Variants in EXD2 observed in about 807,000 individuals in gnomAD.
EXD2 encodes the protein exonuclease 3'-5' domain containing 2, also known as exonuclease 3'-5' domain-containing protein 2.
In EXD2, 40 loss-of-function variants were observed where a neutral mutation model predicts 62.5. The observed-to-expected ratio is 0.64, with a 90% CI of 0.50 to 0.83. EXD2 has a LOEUF of 0.83. Among genes scored for constraint, EXD2 ranks in the 40% least tolerant of loss-of-function variants. The pLI, the probability that EXD2 is intolerant of heterozygous loss-of-function variation, is 0.00. For synonymous variants in EXD2, 239 were observed against 291.9 expected (o/e 0.82, Z 1.85); for missense variants, 671 against 761.8 (o/e 0.88, Z 1.40).
At position 69,195,296 on chromosome 14, in the gene EXD2, C is replaced by T. The variant is rs929474496; in HGVS notation, c.-132+3705C>T. Among the ~76,000 whole-genome samples the T allele has an allele frequency of 2.0e-5, 3 of 151,982 alleles. No individual in the cohort carries two copies. In the South Asian group the frequency reaches 6.2e-4, roughly 32 times the overall value. The stretch of plus-strand genomic sequence containing the variant: ...AGTGGCAGCCTTGACCTCCTGGGCT[C>T]GAGTGATCCTCCTGCCTCAGCCCCC... On this transcript the variant is annotated intron_variant, in intron 1 of 9. Coordinates refer to ENST00000685843, the MANE Select transcript of EXD2 (RefSeq NM_001193360.2).
In EXD2 at chr14:69,241,385, A is replaced by G. The variant is rs2043979333; in HGVS notation, c.*285A>G. ...TCTCCCTCTTCTGCTGTCCCTGTGC[A>G]GAGGAAAAATGAAGAATTCTCCCAG... On this transcript the variant is annotated 3_prime_UTR_variant, in exon 10 of 10. Transcript: ENST00000685843. The G allele has an allele frequency of 2.9e-6, 1 of 350,476 alleles. No individual in the cohort carries two copies. Among genetic ancestry groups the G allele is most frequent in the African/African-American group, 2.1e-5 (1 of 48,686 alleles). 21.7% of individuals were successfully genotyped at this position (350,476 alleles called of 1,614,324 possible). A position where few individuals can be genotyped will look rare whatever the true frequency, so the allele number is the denominator to read the frequency against.
At chr14:69,216,309 G>C (rs1268112796) in intron 3 of EXD2, among the ~76,000 whole-genome samples, 1 of 152,144 alleles carries the variant, frequency 6.6e-6, no homozygotes, top group Admixed American at 6.5e-5. Flanking sequence ...ATTTTCTGTT[G>C]TTGCACCAAT....
intron 3 of EXD2, among the ~76,000 whole-genome samples, chr14:69,227,788 T>G (rs2043413547): frequency 6.6e-6 from 1 of 152,096 alleles, no homozygotes; most frequent in Non-Finnish European, 1.5e-5. Context: ...GAGCCAAGAT[T>G]GAGCCACTGC....
intron 3 of EXD2, chr14:69,227,907 C>G (rs1256507701): frequency 6.7e-6 from 1 of 148,902 alleles, no homozygotes; most frequent in Non-Finnish European, 1.5e-5. Flanking sequence ...TTTAAAGGCC[C>G]TAACTTATGC....
At chr14:69,194,979 G>A (rs2042153382) in intron 1 of EXD2, among the ~76,000 whole-genome samples, 1 of 152,174 alleles carries the variant, frequency 6.6e-6, no homozygotes, top group Admixed American at 6.5e-5. Context: ...AGCACTTTGG[G>A]TGGTTGAGAC....
At position 69,241,602 on chromosome 14, in the gene EXD2, T is replaced by C; in HGVS notation, c.*502T>C. 2.8e-6 allele frequency: 1 copy of C among 358,292 alleles called. No individual in the cohort carries two copies. The allele number at this position is 358,292 out of a possible 1,614,324, so 22.2% of individuals were successfully genotyped here. On this transcript the variant is annotated 3_prime_UTR_variant, in exon 10 of 10. Transcript: ENST00000685843. ...CCAATTCAACTTCATAATTATCATT[T>C]CTTTGGCTTCATGCTCTCCCGTAAC...
intron 1 of EXD2, among the ~76,000 whole-genome samples, chr14:69,197,701 A>G (rs182173843): frequency 7.7e-4 from 118 of 152,284 alleles, no homozygotes; most frequent in Non-Finnish European, 1.3e-3. Flanking sequence ...CTGTTCCTGC[A>G]TTAATTCACT....
Position 69,238,256 on chromosome 14 carries a change from A to T in EXD2, c.1649+325A>T, listed in dbSNP as rs183514679. 2.0e-5 allele frequency among the ~76,000 whole-genome samples: 3 copies of T among 152,328 alleles called. No individual in the cohort carries two copies. The East Asian group carries it at 5.8e-4, about 29-fold the overall frequency. Reference sequence around the variant, plus strand: ...CATCTTACACATTCTATGCAGACGTAAATCCTCATGCCAGCACATGAGATG... The same window carrying T: ...CATCTTACACATTCTATGCAGACGTTAATCCTCATGCCAGCACATGAGATG... On this transcript the variant is annotated intron_variant, in intron 9 of 9. Coordinates refer to ENST00000685843, the MANE Select transcript of EXD2 (RefSeq NM_001193360.2).
At chr14:69,220,251 CTGTTTTTTTTTTTTTTTTT>C (rs2043125605) in intron 3 of EXD2, among the ~76,000 whole-genome samples, 1 of 60,604 alleles carries the variant, frequency 1.7e-5, no homozygotes, top group African/African-American at 7.0e-5. Flanking sequence ...TTTTGTCTCT[CTGTTTTTTTTTTTTTTTTT>C]TTTTTTTTTT....
At position 69,242,970 on chromosome 14, in the gene EXD2, C is replaced by A. The variant is rs558135749; in HGVS notation, c.*1870C>A. The A allele has an allele frequency of 6.6e-6, 1 of 152,228 alleles. No individual in the cohort carries two copies. Among genetic ancestry groups the A allele is most frequent in the African/African-American group, 2.4e-5 (1 of 41,530 alleles). 9.4% of individuals were successfully genotyped at this position (152,228 alleles called of 1,614,324 possible). On this transcript the variant is annotated 3_prime_UTR_variant, in exon 10 of 10. Coordinates refer to ENST00000685843, the MANE Select transcript of EXD2 (RefSeq NM_001193360.2). ...TGTTTCATTTTCTTTCCTTCTAATC[C>A]TCATGCCAAGAGGTGAGAAACACTT... is the stretch of plus-strand genomic sequence containing the variant.
intron 5 of EXD2, among the ~76,000 whole-genome samples, chr14:69,231,124 A>ATT (rs144706438): frequency 6.6e-6 from 1 of 151,796 alleles, no homozygotes; most frequent in African/African-American, 2.4e-5. Context: ...AGAAAAAGGG[A>ATT]TTTTTTTTAT....
intron 2 of EXD2, among the ~76,000 whole-genome samples, chr14:69,206,463 T>TCG: frequency 1.9e-5 from 1 of 51,478 alleles, no homozygotes; most frequent in African/African-American, 6.0e-5. Flanking sequence ...CACTTTTTTT[T>TCG]TTTTTTTTTT....
At chr14:69,223,082 G>C (rs925589962) in intron 3 of EXD2, among the ~76,000 whole-genome samples, 2 of 152,258 alleles carry the variant, frequency 1.3e-5, no homozygotes, top group South Asian at 4.1e-4. Flanking sequence ...TTTTAAATAC[G>C]TGGAGACCAA....
intron 4 of EXD2, 151 bp from the exon 5 acceptor site, chr14:69,230,321 T>G (rs1389663429): frequency 1.7e-6 from 1 of 576,356 alleles, no homozygotes; most frequent in Non-Finnish European, 3.1e-6. Context: ...ATAAAGTGTT[T>G]CACAAATAGA....
intron 3 of EXD2, among the ~76,000 whole-genome samples, chr14:69,219,908 A>G (rs557916887): frequency 1.4e-4 from 22 of 152,298 alleles, no homozygotes; most frequent in African/African-American, 5.3e-4. Flanking sequence ...CTTATGCCCT[A>G]TCTCAAAATG....
chr14:69,241,067 A>G lies in EXD2; in HGVS notation c.1833A>G (p.Lys611=). 6.2e-7 allele frequency: 1 copy of G among 1,612,656 alleles called. No individual in the cohort carries two copies. The highest frequency in any genetic ancestry group is 2.2e-5 in the East Asian group (1 of 44,884). ...VDHNHQKLLR[K]FGEDLPIQLS ...ACAACCATCAGAAGCTGCTCCGGAAATTCGGGGAAGATCTTCCCATCCAGC... is the reference window on the plus strand; with the variant it reads ...ACAACCATCAGAAGCTGCTCCGGAAGTTCGGGGAAGATCTTCCCATCCAGC... The change falls in exon 10 of 10, where the codon AAA becomes AAG. Residue 611 remains lysine (K), a synonymous_variant. Coordinates refer to ENST00000685843, the MANE Select transcript of EXD2 (RefSeq NM_001193360.2).
At chr14:69,208,813 T>G (rs982688372) in intron 2 of EXD2, 3 of 152,200 alleles carry the variant, frequency 2.0e-5, no homozygotes, top group African/African-American at 7.2e-5. Context: ...TGGCTTACCC[T>G]ACAATAACCG....
At position 69,209,669 on chromosome 14, in the gene EXD2, A is replaced by G. The variant is rs537950944; in HGVS notation, c.199A>G (p.Arg67Gly). 6.4e-7 allele frequency: 1 copy of G among 1,550,580 alleles called. No individual in the cohort carries two copies. The highest frequency in any genetic ancestry group is 1.4e-5 in the African/African-American group (1 of 73,150). ...TGATCAGCTGCACTCCAGTGCCCCC[A>G]GATCCTCGTGGAAGGAACGGATCCT... ...EDDQLHSSAP[R>G]SSWKERILKA... Residue 67 changes from arginine (R) to glycine (G), a missense_variant, in exon 3 of 10, where the codon AGA (arginine) becomes GGA (glycine). Coordinates refer to ENST00000685843, the MANE Select transcript of EXD2 (RefSeq NM_001193360.2).
chr14:69,215,298 A>ATGTGTGTGTGTGTGTG lies in EXD2; in HGVS notation c.333+5515_333+5530dup, dbSNP rs61469385. ...CAGCGAGACTCCATCTCAAAAATATATGTGTGTGTGTGTGTGTGTGTGTGT... is the reference window on the plus strand; with the variant it reads ...CAGCGAGACTCCATCTCAAAAATATATGTGTGTGTGTGTGTGTGTGTGTGTGTGTGTGTGTGTGTGT... On this transcript the variant is annotated intron_variant, in intron 3 of 9. Transcript: ENST00000685843. 8.4e-4 allele frequency among the ~76,000 whole-genome samples: 86 copies of ATGTGTGTGTGTGTGTG among 102,186 alleles called. 1 individual carries two copies. The highest frequency in any genetic ancestry group is 4.1e-3 in the East Asian group (3 of 730). 67.0% of individuals were successfully genotyped at this position (102,186 alleles called of 152,430 possible).
Sources: gnomAD v4.1 joint callset for allele counts (sites outside exome capture counted in the v4.1 genomes callset) on GRCh38, gnomAD v4.1.1 for gene constraint, MANE v1.5 for transcripts, NCBI Gene and HGNC (gene_info 2026-07-23, HGNC 2026-07-21) for gene names.